RBFOX1: variants seen among roughly 807,000 people sequenced by gnomAD.
RBFOX1 encodes the protein RNA binding protein fox-1 homolog 1.
RBFOX1 carries 8 observed loss-of-function variants against 57.7 expected under a neutral mutation model. The ratio of observed to expected loss-of-function variants is 0.14; its 90% CI spans 0.08 to 0.25. RBFOX1 has a LOEUF of 0.25. Among genes scored for constraint, RBFOX1 ranks in the 10% least tolerant of loss-of-function variants. RBFOX1 has a pLI of 1.00. For missense variants in RBFOX1, 611 were observed against 548.5 expected, an observed-to-expected ratio of 1.11 and a Z score of -1.14; for synonymous variants, 326 against 222.4, an observed-to-expected ratio of 1.47 and a Z score of -4.15.
At chr16:6,207,181 C>A (rs753582468) in intron 1 of RBFOX1, among the ~76,000 whole-genome samples, 1 of 152,170 alleles carries the variant, frequency 6.6e-6, no homozygotes, top group African/African-American at 2.4e-5. Flanking sequence ...TGGACTCTTT[C>A]GTTTCCCTGT....
intron 3 of RBFOX1, among the ~76,000 whole-genome samples, chr16:7,007,451 C>G (rs148646942): frequency 6.6e-6 from 1 of 152,150 alleles, no homozygotes; most frequent in African/African-American, 2.4e-5. Context: ...TTTTTAGGTG[C>G]ATACTTTTGA....
Position 6,431,892 on chromosome 16 carries a change from GCTTGCTTTCTTTCTTT to G in RBFOX1, c.-64+114839_-64+114854del, listed in dbSNP as rs1208952486. 7.2e-3 allele frequency among the ~76,000 whole-genome samples: 855 copies of G among 118,094 alleles called. 9 individuals carry two copies. The highest frequency in any genetic ancestry group is 0.022 in the African/African-American group (704 of 31,356). 77.5% of individuals were successfully genotyped at this position (118,094 alleles called of 152,430 possible). A position where few individuals can be genotyped will look rare whatever the true frequency, so the allele number is the denominator to read the frequency against. On this transcript the variant is annotated intron_variant, in intron 2 of 15. Transcript: ENST00000550418. Reference sequence around the variant, plus strand: ...AACATGTCCAGAAATATGCTTGCTTGCTTGCTTTCTTTCTTTCTTTCTTTCTTTCTTTCTTTCTTTC... The same window carrying G: ...AACATGTCCAGAAATATGCTTGCTTGCTTTCTTTCTTTCTTTCTTTCTTTC...
intron 4 of RBFOX1, among the ~76,000 whole-genome samples, chr16:7,241,734 CA>C (rs2094072465): frequency 1.3e-5 from 2 of 151,970 alleles, no homozygotes; most frequent in East Asian, 3.8e-4. Flanking sequence ...TGCATATACA[CA>C]AACACACACA....
intron 14 of RBFOX1, chr16:7,693,289 A>G (rs1281504799): frequency 1.9e-6 from 3 of 1,607,288 alleles, no homozygotes; most frequent in Admixed American, 1.7e-5. Flanking sequence ...AGCGAGCAGT[A>G]TTGTGAATTT....
intron 10 of RBFOX1, among the ~76,000 whole-genome samples, chr16:7,617,272 C>T (rs958570268): frequency 1.5e-4 from 23 of 152,104 alleles, no homozygotes; most frequent in African/African-American, 5.6e-4. Context: ...GTAAAAGTAG[C>T]CATAGACAAT....
At chr16:7,352,826 C>A (rs149057592) in intron 4 of RBFOX1, among the ~76,000 whole-genome samples, 2,027 of 152,184 alleles carry the variant, frequency 0.013, 47 homozygotes, top group African/African-American at 0.045. Context: ...GGTGATCCTC[C>A]CACCTCAACC....
At chr16:6,892,865 C>G (rs1351162616) in intron 3 of RBFOX1, among the ~76,000 whole-genome samples, 1 of 148,748 alleles carries the variant, frequency 6.7e-6, no homozygotes, top group South Asian at 2.1e-4. Flanking sequence ...CCTCCCCTGT[C>G]TGATTTCTGT....
chr16:6,777,441 A>G (rs1280737802), intron 3 of RBFOX1, among the ~76,000 whole-genome samples: 2 of 152,170 alleles, frequency 1.3e-5, no homozygotes, highest in Non-Finnish European at 2.9e-5. Flanking sequence ...AAATAACACT[A>G]GGTATCAGTT....
intron 2 of RBFOX1, among the ~76,000 whole-genome samples, chr16:5,476,220 C>T (rs566595249): frequency 1.3e-5 from 2 of 152,208 alleles, no homozygotes; most frequent in African/African-American, 2.4e-5. Context: ...AGCTGTTCTG[C>T]AGTGTACACA....
chr16:5,948,838 T>A (rs189437029), intron 4 of RBFOX1, among the ~76,000 whole-genome samples: 259 of 152,310 alleles, frequency 1.7e-3, no homozygotes, highest in African/African-American at 6.1e-3. Context: ...CCTGGGACAC[T>A]AATACACACT....
intron 3 of RBFOX1, among the ~76,000 whole-genome samples, chr16:5,714,429 G>A (rs911503051): frequency 6.6e-5 from 10 of 152,172 alleles, no homozygotes; most frequent in Non-Finnish European, 1.2e-4. Context: ...GAATAGAGAC[G>A]TGCCCAGCTG....
intron 4 of RBFOX1, among the ~76,000 whole-genome samples, chr16:7,374,114 C>A (rs959146834): frequency 6.6e-6 from 1 of 152,018 alleles, no homozygotes; most frequent in Non-Finnish European, 1.5e-5. Context: ...TGGTGTGGAA[C>A]GAAGGGCCAC....
chr16:6,840,988 C>T (rs538974803), intron 3 of RBFOX1, among the ~76,000 whole-genome samples: 1 of 152,042 alleles, frequency 6.6e-6, no homozygotes, highest in African/African-American at 2.4e-5. Context: ...GGACACTCAC[C>T]AGACACTGAA....
At chr16:6,434,824 A>G (rs1178483579) in intron 2 of RBFOX1, among the ~76,000 whole-genome samples, 1 of 152,148 alleles carries the variant, frequency 6.6e-6, no homozygotes, top group Non-Finnish European at 1.5e-5. Flanking sequence ...TTCTCTTCCA[A>G]TGATTTGTAC....
intron 1 of RBFOX1, among the ~76,000 whole-genome samples, chr16:6,079,981 G>A (rs528072618): frequency 6.6e-6 from 1 of 152,318 alleles, no homozygotes; most frequent in South Asian, 2.1e-4. Context: ...TAAACCATTT[G>A]TGATTGAGGC....
chr16:5,532,649 T>C (rs1421943944), intron 2 of RBFOX1, among the ~76,000 whole-genome samples: 1 of 152,222 alleles, frequency 6.6e-6, no homozygotes, highest in Admixed American at 6.5e-5. Context: ...TGCTGAAGAT[T>C]CTAGCAGTTA....
intron 3 of RBFOX1, among the ~76,000 whole-genome samples, chr16:6,739,239 GA>G (rs113887177): frequency 4.5e-4 from 64 of 141,404 alleles, no homozygotes; most frequent in African/African-American, 9.9e-4. Context: ...AGGGATGATA[GA>G]AAAAAAAAAA....
chr16:5,968,193 G>C (rs557327896), intron 4 of RBFOX1, among the ~76,000 whole-genome samples: 1 of 152,210 alleles, frequency 6.6e-6, no homozygotes, highest in Admixed American at 6.5e-5. Context: ...TGCTGTTTCA[G>C]CCTCCCCAGT....
At chr16:6,198,773 A>C (rs1009182449) in intron 1 of RBFOX1, among the ~76,000 whole-genome samples, 1 of 152,150 alleles carries the variant, frequency 6.6e-6, no homozygotes. Context: ...TCTAGTATTA[A>C]TATAGCCTGG....
Sources: gnomAD v4.1 joint callset for allele counts (sites outside exome capture counted in the v4.1 genomes callset) on GRCh38, gnomAD v4.1.1 for gene constraint, MANE v1.5 for transcripts, NCBI Gene and HGNC (gene_info 2026-07-23, HGNC 2026-07-21) for gene names.